Variants in SAMSN1 observed in about 807,000 individuals in gnomAD.
The protein encoded by SAMSN1 is SAM domain, SH3 domain and nuclear localization signals 1.
A neutral mutation model predicts 42.0 loss-of-function variants in SAMSN1; 31 were observed. The observed-to-expected ratio is 0.74, with a 90% confidence interval of 0.55 to 1.00. The LOEUF (loss-of-function observed/expected upper bound fraction) is 1.00, where lower values mean the gene tolerates loss of function less well. Among genes scored for constraint, SAMSN1 ranks in the 50% least tolerant of loss-of-function variants. SAMSN1 has a pLI of 0.00. For synonymous variants in SAMSN1, 178 were observed against 151.9 expected, an observed-to-expected ratio of 1.17 and a Z score of -1.26; for missense variants, 464 against 439.4, an observed-to-expected ratio of 1.06 and a Z score of -0.50.
intron 1 of SAMSN1, among the ~76,000 whole-genome samples, chr21:14,653,850 AACACAC>A (rs3050646): frequency 0.67 from 100,377 of 150,672 alleles, 33,919 homozygotes; most frequent in Middle Eastern, 0.78. Flanking sequence ...TACACATTGC[AACACAC>A]ACACACACAC....
chr21:14,635,491 C>A (rs1044599206), intron 2 of SAMSN1, among the ~76,000 whole-genome samples: 1 of 152,154 alleles, frequency 6.6e-6, no homozygotes, highest in African/African-American at 2.4e-5. Context: ...ACCTAGGTGT[C>A]TGAGGCAATT....
intron 1 of SAMSN1, among the ~76,000 whole-genome samples, chr21:14,653,381 AAAT>A (rs2123399104): frequency 6.6e-6 from 1 of 152,180 alleles, no homozygotes; most frequent in African/African-American, 2.4e-5. Context: ...ATGGTAAGTG[AAAT>A]AATTCAGTCA....
rs75359609 is a variant in SAMSN1 at position 14,579,249 on chromosome 21, C to T, written c.261+2887G>A. ...CAAGTCCACTGAGGCTTTTCTGTCA[C>T]GAATGCTGAACAATATCATCTGAAA... On this transcript the variant is annotated intron_variant, in intron 2 of 8. Coordinates refer to the SAMSN1 transcript ENST00000285670. 5.6e-3 allele frequency among the ~76,000 whole-genome samples: 856 copies of T among 152,264 alleles called. 11 individuals carry two copies. Among genetic ancestry groups the T allele is most frequent in the African/African-American group, 0.019 (782 of 41,544 alleles).
chr21:14,608,676 T>A (rs1982626169), intron 5 of SAMSN1, among the ~76,000 whole-genome samples: 1 of 152,166 alleles, frequency 6.6e-6, no homozygotes, highest in South Asian at 2.1e-4. Context: ...GACTCCTTCC[T>A]TCTGCATAAG....
chr21:14,532,122 C>T (rs557738046), intron 1 of SAMSN1, among the ~76,000 whole-genome samples: 8 of 152,140 alleles, frequency 5.3e-5, no homozygotes, highest in Admixed American at 1.3e-4. Flanking sequence ...CAGCAGAGCT[C>T]GACCATTAAT....
chr21:14,657,770 C>A (rs1568845572), intron 1 of SAMSN1, among the ~76,000 whole-genome samples: 1 of 151,726 alleles, frequency 6.6e-6, no homozygotes, highest in Non-Finnish European at 1.5e-5. Flanking sequence ...ACTATATGGG[C>A]AACAAGAACT....
chr21:14,642,167 A>G (rs1007073717), intron 2 of SAMSN1, among the ~76,000 whole-genome samples: 3 of 152,166 alleles, frequency 2.0e-5, no homozygotes, highest in African/African-American at 7.2e-5. Flanking sequence ...ATCTGTGTAT[A>G]AGTGGACCTG....
chr21:14,549,491 T>C (rs1226569984), upstream of SAMSN1, among the ~76,000 whole-genome samples: 1 of 152,154 alleles, frequency 6.6e-6, no homozygotes, highest in East Asian at 1.9e-4. Flanking sequence ...ATCTTATGCA[T>C]GCCTCTGTGT....
At chr21:14,515,440 A>C (rs1484623403) in intron 3 of SAMSN1, among the ~76,000 whole-genome samples, 2 of 152,204 alleles carry the variant, frequency 1.3e-5, no homozygotes, top group Admixed American at 1.3e-4. Context: ...ACAACTATAT[A>C]TCTACATGCA....
At chr21:14,577,177 T>A (rs1336989331) in intron 2 of SAMSN1, among the ~76,000 whole-genome samples, 1 of 130,664 alleles carries the variant, frequency 7.7e-6, no homozygotes, top group African/African-American at 2.9e-5. Flanking sequence ...TGCCTCAGCC[T>A]CTCGAGTAGC....
At chr21:14,580,202 G>A (rs1199441258) in intron 2 of SAMSN1, among the ~76,000 whole-genome samples, 2 of 152,220 alleles carry the variant, frequency 1.3e-5, no homozygotes, top group African/African-American at 4.8e-5. Flanking sequence ...CAAAGATAGA[G>A]GGAAGAAAGT....
At chr21:14,581,581 G>A (rs28441569) in intron 2 of SAMSN1, among the ~76,000 whole-genome samples, 13,871 of 151,016 alleles carry the variant, frequency 0.092, 1,620 homozygotes, top group African/African-American at 0.27. Context: ...GGATGGTCTC[G>A]ATCTCCTGAC....
At chr21:14,644,165 G>A (rs1308470848) in intron 1 of SAMSN1, among the ~76,000 whole-genome samples, 1 of 152,144 alleles carries the variant, frequency 6.6e-6, no homozygotes, top group Non-Finnish European at 1.5e-5. Flanking sequence ...GAGGGGGCAT[G>A]TAACACACTG....
chr21:14,615,326 A>AAT (rs1263968711), intron 3 of SAMSN1, among the ~76,000 whole-genome samples: 1 of 151,642 alleles, frequency 6.6e-6, no homozygotes, highest in Non-Finnish European at 1.5e-5. Context: ...AAAAGAAAAA[A>AAT]AAAGGAAAGA....
intron 6 of SAMSN1, among the ~76,000 whole-genome samples, chr21:14,601,830 C>T (rs75999344): frequency 0.017 from 2,550 of 152,200 alleles, 40 homozygotes; most frequent in South Asian, 0.073. Flanking sequence ...ATTATCTTAT[C>T]ATCATTGAAT....
intron 1 of SAMSN1, among the ~76,000 whole-genome samples, chr21:14,530,994 TTAAA>T (rs1284080623): frequency 6.6e-6 from 1 of 152,072 alleles, no homozygotes; most frequent in Non-Finnish European, 1.5e-5. Flanking sequence ...TTATAGAATA[TTAAA>T]TAATATTTTA....
chr21:14,523,225 G>T (rs140777335), intron 1 of SAMSN1: 14 of 152,270 alleles, frequency 9.2e-5, no homozygotes, highest in African/African-American at 3.4e-4. Context: ...TATCTTTAAA[G>T]ATTTTTGTTT....
rs142730645 is a variant in SAMSN1 at position 14,524,761 on chromosome 21, T to C, written c.58-3540A>G. ...ATGGTACATCCACACAATGCAAATG[T>C]ATGAAGCTGTAAAAAATTAAATACA... On this transcript the variant is annotated intron_variant, in intron 1 of 7. Coordinates refer to ENST00000400566, the MANE Select transcript of SAMSN1 (RefSeq NM_022136.5). 3.3e-3 allele frequency among the ~76,000 whole-genome samples: 497 copies of C among 152,304 alleles called. 6 individuals carry two copies. The highest frequency in any genetic ancestry group is 0.011 in the African/African-American group (447 of 41,570).
At chr21:14,620,550 C>T (rs1982976390) in intron 2 of SAMSN1, among the ~76,000 whole-genome samples, 1 of 152,198 alleles carries the variant, frequency 6.6e-6, no homozygotes, top group Admixed American at 6.5e-5. Context: ...TGATCTAATA[C>T]ATTCAGTATG....
Sources: gnomAD v4.1 joint callset for allele counts (sites outside exome capture counted in the v4.1 genomes callset) on GRCh38, gnomAD v4.1.1 for gene constraint, MANE v1.5 for transcripts, NCBI Gene and HGNC (gene_info 2026-07-23, HGNC 2026-07-21) for gene names.